The following KCNMA1 variants were observed in gnomAD, a reference collection of about 807,000 sequenced individuals.
KCNMA1 encodes the protein Calcium-activated potassium channel subunit alpha-1.
In KCNMA1, 29 loss-of-function variants were observed where a neutral mutation model predicts 140.0. The ratio of observed to expected loss-of-function variants is 0.21; its 90% confidence interval spans 0.15 to 0.28. The LOEUF is 0.28. Among genes scored for constraint, KCNMA1 ranks in the 10% least tolerant of loss-of-function variants. KCNMA1 has a pLI of 1.00. For synonymous variants in KCNMA1, 612 were observed against 611.9 expected (o/e 1.00, Z 0.00); for missense variants, 880 against 1,602.2 (o/e 0.55, Z 7.70).
chr10:77,443,454 G>A (rs371050431), intron 1 of KCNMA1, among the ~76,000 whole-genome samples: 9 of 152,214 alleles, frequency 5.9e-5, no homozygotes, highest in East Asian at 1.9e-4. Flanking sequence ...CAGAGAACAC[G>A]GAGGGCAGGG....
intron 1 of KCNMA1, among the ~76,000 whole-genome samples, chr10:77,573,730 T>A (rs2072880296): frequency 6.7e-6 from 1 of 149,386 alleles, no homozygotes; most frequent in East Asian, 2.0e-4. Flanking sequence ...ATAGAATAGG[T>A]CTGTACCTCG....
At chr10:77,156,486 G>A (rs2098485746) in intron 5 of KCNMA1, among the ~76,000 whole-genome samples, 2 of 152,098 alleles carry the variant, frequency 1.3e-5, no homozygotes, top group South Asian at 4.1e-4. Flanking sequence ...GTCATTCCTG[G>A]GCATAGGCCA....
chr10:77,231,488 C>A (rs1462151110), intron 3 of KCNMA1, among the ~76,000 whole-genome samples: 1 of 152,160 alleles, frequency 6.6e-6, no homozygotes, highest in Non-Finnish European at 1.5e-5. Flanking sequence ...CTCCGATAAG[C>A]TTCTAGTGTT....
intron 1 of KCNMA1, among the ~76,000 whole-genome samples, chr10:77,533,711 C>T (rs2058235415): frequency 6.6e-6 from 1 of 152,126 alleles, no homozygotes; most frequent in Non-Finnish European, 1.5e-5. Context: ...CAAATCCTAA[C>T]AAAGGAGGAT....
chr10:77,431,137 A>G (rs1165311108), intron 1 of KCNMA1, among the ~76,000 whole-genome samples: 1 of 152,170 alleles, frequency 6.6e-6, no homozygotes, highest in Non-Finnish European at 1.5e-5. Context: ...AGCCAGCCCA[A>G]TGTCCCTCCT....
intron 1 of KCNMA1, among the ~76,000 whole-genome samples, chr10:77,407,760 GCA>G (rs1450236959): frequency 6.6e-6 from 1 of 152,156 alleles, no homozygotes; most frequent in Non-Finnish European, 1.5e-5. Flanking sequence ...CTGAAGCTTG[GCA>G]CAGTCCCGGG....
chr10:77,593,560 C>T (rs868440209), intron 1 of KCNMA1, among the ~76,000 whole-genome samples: 2 of 152,286 alleles, frequency 1.3e-5, no homozygotes, highest in Admixed American at 6.5e-5. Context: ...TCTTAAATTG[C>T]AGAGTGCTTT....
At chr10:77,612,627 C>A (rs2087390966) in intron 1 of KCNMA1, among the ~76,000 whole-genome samples, 1 of 152,226 alleles carries the variant, frequency 6.6e-6, no homozygotes, top group Non-Finnish European at 1.5e-5. Flanking sequence ...TTGTACCAAC[C>A]TGTACACCTT....
chr10:76,977,584 C>T (rs1009959320), intron 19 of KCNMA1: 2 of 702,850 alleles, frequency 2.8e-6, no homozygotes, highest in Non-Finnish European at 5.2e-6. Context: ...GTAGTTTAAT[C>T]TTCTCACATT....
intron 1 of KCNMA1, among the ~76,000 whole-genome samples, chr10:77,460,417 A>G (rs2097844338): frequency 1.3e-5 from 2 of 152,148 alleles, no homozygotes; most frequent in South Asian, 2.1e-4. Context: ...TCATTAGACC[A>G]AAAAAACACC....
chr10:77,120,718 T>C (rs899925675), intron 6 of KCNMA1, among the ~76,000 whole-genome samples: 11 of 152,156 alleles, frequency 7.2e-5, no homozygotes, highest in Non-Finnish European at 1.3e-4. Flanking sequence ...AGATATCAGC[T>C]ATGTGTCCCT....
At position 77,462,121 on chromosome 10, in the gene KCNMA1, CAT is replaced by C. The variant is rs534264974; in HGVS notation, c.379-58100_379-58099del. On this transcript the variant is annotated intron_variant, in intron 1 of 27. Coordinates refer to ENST00000286628, the MANE Select transcript of KCNMA1 (RefSeq NM_001161352.2). ...ACACACAGAAACATGCACACACTAACATAAACACATACATGCACACACATACA... is the reference window on the plus strand; with the variant it reads ...ACACACAGAAACATGCACACACTAACAAACACATACATGCACACACATACA... Among the ~76,000 whole-genome samples, 610 of 151,928 alleles carry C rather than the reference CAT, an allele frequency of 4.0e-3. 2 individuals carry two copies. The highest frequency in any genetic ancestry group is 0.01 in the Middle Eastern group (3 of 294).
chr10:77,153,096 T>C (rs2574810), intron 5 of KCNMA1, among the ~76,000 whole-genome samples: 131,874 of 152,178 alleles, frequency 0.87, 57,290 homozygotes, highest in African/African-American at 0.93. Flanking sequence ...CATTAGCATA[T>C]GGAAGGCTCT....
rs565417246 is a variant in KCNMA1, at chr10:77,608,970, A to C, written c.378+28295T>G. Among the ~76,000 whole-genome samples, 63 of 152,240 alleles carry C rather than the reference A, an allele frequency of 4.1e-4. 1 individual carries two copies. Among genetic ancestry groups the C allele is most frequent in the Non-Finnish European group, 8.4e-4 (57 of 68,036 alleles). On this transcript the variant is annotated intron_variant, in intron 1 of 27. Transcript: ENST00000286628. ...AAGTGCTGGTGTGGGTATAAAGAAAAGAGAACCCTGTTACACTGTTGGTGG... is the reference window on the plus strand; with the variant it reads ...AAGTGCTGGTGTGGGTATAAAGAAACGAGAACCCTGTTACACTGTTGGTGG...
chr10:77,425,770 T>C (rs2096973371), intron 1 of KCNMA1, among the ~76,000 whole-genome samples: 1 of 152,170 alleles, frequency 6.6e-6, no homozygotes, highest in Non-Finnish European at 1.5e-5. Context: ...CAGGAGGACA[T>C]TTAAAAATGC....
At chr10:77,477,192 A>T (rs1049331277) in intron 1 of KCNMA1, among the ~76,000 whole-genome samples, 1 of 152,188 alleles carries the variant, frequency 6.6e-6, no homozygotes, top group Admixed American at 6.5e-5. Context: ...AACATGATAA[A>T]ACACAGGAAC....
chr10:77,465,186 C>A (rs757869898), intron 1 of KCNMA1, among the ~76,000 whole-genome samples: 4 of 152,174 alleles, frequency 2.6e-5, no homozygotes, highest in African/African-American at 7.2e-5. Context: ...GGCAATGAGG[C>A]CTTTGCATAG....
intron 1 of KCNMA1, among the ~76,000 whole-genome samples, chr10:77,507,533 G>A (rs1029782109): frequency 4.6e-5 from 7 of 152,174 alleles, no homozygotes; most frequent in African/African-American, 1.7e-4. Context: ...GTTCTTTCCT[G>A]CAGGCAGGCT....
intron 5 of KCNMA1, among the ~76,000 whole-genome samples, chr10:77,176,124 G>C (rs572180720): frequency 1.3e-5 from 2 of 152,296 alleles, no homozygotes; most frequent in South Asian, 4.1e-4. Context: ...TGAAGCAGAG[G>C]AACAGAGAGA....
Sources: allele counts gnomAD v4.1 joint callset (sites outside exome capture counted in the v4.1 genomes callset), GRCh38; gene constraint gnomAD v4.1.1; transcripts MANE v1.5; gene names NCBI Gene and HGNC (gene_info 2026-07-23, HGNC 2026-07-21).